The following NAALADL2 variants were observed in gnomAD, a reference collection of about 807,000 sequenced individuals.
NAALADL2 encodes N-acetylated alpha-linked acidic dipeptidase like 2.
Under a neutral mutation model 87.2 loss-of-function variants are expected in NAALADL2, and 76 were observed. That is an observed-to-expected ratio of 0.87 (90% CI 0.72 to 1.05). NAALADL2 has a LOEUF of 1.05. NAALADL2 is among the 50% of genes least tolerant of loss of function. The probability of loss-of-function intolerance (pLI) is 0.00; values close to 1 mark genes in which losing one functional copy is unlikely to be tolerated. For missense variants in NAALADL2, 1,089 were observed against 945.8 expected (o/e 1.15, Z -1.99); for synonymous variants, 354 against 331.0 (o/e 1.07, Z -0.75).
At chr3:174,911,090 C>T (rs887631254) in intron 1 of NAALADL2, among the ~76,000 whole-genome samples, 3 of 152,070 alleles carry the variant, frequency 2.0e-5, no homozygotes, top group African/African-American at 7.3e-5. Context: ...GAATTGCCAT[C>T]CCCCAAAAGT....
At chr3:175,647,839 G>A (rs1358765951) in intron 11 of NAALADL2, among the ~76,000 whole-genome samples, 2 of 152,156 alleles carry the variant, frequency 1.3e-5, no homozygotes, top group Non-Finnish European at 2.9e-5. Context: ...CAAAAAGAAA[G>A]TCTCTAGCCA....
chr3:175,418,027 A>G (rs183972107), intron 5 of NAALADL2, among the ~76,000 whole-genome samples: 3 of 152,210 alleles, frequency 2.0e-5, no homozygotes, highest in African/African-American at 7.2e-5. Context: ...GTAGGAGATG[A>G]GGAGAGATAG....
At chr3:174,882,798 CGTGTGTATATGTGCATAT>C (rs1560319665) in intron 1 of NAALADL2, among the ~76,000 whole-genome samples, 46 of 102,190 alleles carry the variant, frequency 4.5e-4, no homozygotes, top group African/African-American at 1.9e-3. Context: ...TATATATACA[CGTGTGTATATGTGCATAT>C]GTGTATATAT....
intron 4 of NAALADL2, among the ~76,000 whole-genome samples, chr3:175,269,581 G>A (rs1470689843): frequency 1.3e-5 from 2 of 152,158 alleles, no homozygotes; most frequent in Admixed American, 6.5e-5. Flanking sequence ...TCTGTATGAC[G>A]CTAGTTTACT....
rs74467892 is a variant in NAALADL2 at position 175,126,231 on chromosome 3, G to A, written c.545+28940G>A. On this transcript the variant is annotated intron_variant, in intron 2 of 13. Transcript: ENST00000454872. ...AGAAAAGAGGAATTGGAGATAGGAA[G>A]AACAGATAAAAGAGGCGATTGACTT... Among the ~76,000 whole-genome samples, 159 of 152,154 alleles carry A rather than the reference G, an allele frequency of 1.0e-3. 3 individuals carry two copies. The East Asian group carries it at 0.029, about 28-fold the overall frequency.
intron 5 of NAALADL2, among the ~76,000 whole-genome samples, chr3:175,332,836 A>G (rs1005449194): frequency 4.6e-5 from 7 of 152,154 alleles, no homozygotes; most frequent in Non-Finnish European, 8.8e-5. Context: ...GAAGTCCCCA[A>G]CTATTATTGT....
intron 2 of NAALADL2, among the ~76,000 whole-genome samples, chr3:174,703,924 CTG>C (rs1159161412): frequency 6.6e-6 from 1 of 152,126 alleles, no homozygotes; most frequent in Non-Finnish European, 1.5e-5. Flanking sequence ...TTTTTTCAGT[CTG>C]TGCATGCTCT....
intron 1 of NAALADL2, among the ~76,000 whole-genome samples, chr3:174,871,724 C>G (rs981343904): frequency 6.6e-6 from 1 of 152,094 alleles, no homozygotes; most frequent in East Asian, 1.9e-4. Context: ...CATGGCAAAA[C>G]CCTGTGTCTA....
intron 1 of NAALADL2, among the ~76,000 whole-genome samples, chr3:174,884,041 C>T (rs997719262): frequency 2.6e-5 from 4 of 152,018 alleles, no homozygotes; most frequent in African/African-American, 7.3e-5. Flanking sequence ...AGGAGGAGCC[C>T]GAAGAGTCCA....
At chr3:175,658,992 A>G (rs191533467) in intron 11 of NAALADL2, among the ~76,000 whole-genome samples, 3 of 152,254 alleles carry the variant, frequency 2.0e-5, no homozygotes, top group East Asian at 1.9e-4. Flanking sequence ...TGCTAAGGCT[A>G]AAGAGTGAAT....
chr3:174,765,708 A>G (rs1380341286), intron 3 of NAALADL2, among the ~76,000 whole-genome samples: 1 of 152,226 alleles, frequency 6.6e-6, no homozygotes, highest in Non-Finnish European at 1.5e-5. Flanking sequence ...TGCAGATAAT[A>G]CAGGTTTTTA....
intron 9 of NAALADL2, among the ~76,000 whole-genome samples, chr3:175,481,457 A>G (rs560920144): frequency 4.0e-5 from 6 of 151,836 alleles, no homozygotes; most frequent in South Asian, 2.1e-4. Context: ...CTCTAGGACC[A>G]CAGCACCATA....
intron 12 of NAALADL2, among the ~76,000 whole-genome samples, chr3:175,737,729 T>TTG (rs1272493409): frequency 2.1e-5 from 3 of 142,380 alleles, no homozygotes; most frequent in Non-Finnish European, 4.6e-5. Flanking sequence ...TTTTTTTTTT[T>TTG]TTTTTTTTTT....
At chr3:174,559,888 C>T (rs1713372115) in intron 2 of NAALADL2, among the ~76,000 whole-genome samples, 1 of 152,208 alleles carries the variant, frequency 6.6e-6, no homozygotes, top group African/African-American at 2.4e-5. Context: ...CAATCCATTG[C>T]ACTACCTTGT....
At chr3:175,334,669 C>G (rs1178883898) in intron 5 of NAALADL2, among the ~76,000 whole-genome samples, 1 of 152,102 alleles carries the variant, frequency 6.6e-6, no homozygotes, top group Non-Finnish European at 1.5e-5. Context: ...TTCTACAAAT[C>G]ACTCCACATC....
intron 2 of NAALADL2, among the ~76,000 whole-genome samples, chr3:175,199,496 T>A (rs13317652): frequency 6.6e-6 from 1 of 152,044 alleles, no homozygotes; most frequent in Middle Eastern, 3.4e-3. Flanking sequence ...ATCCAAGGGA[T>A]GAGACTGTGT....
At chr3:175,507,921 G>A (rs1483641005) in intron 9 of NAALADL2, among the ~76,000 whole-genome samples, 2 of 152,100 alleles carry the variant, frequency 1.3e-5, no homozygotes, top group South Asian at 2.1e-4. Flanking sequence ...CCTGAGACTG[G>A]GTGGTTCCTA....
intron 9 of NAALADL2, among the ~76,000 whole-genome samples, chr3:175,517,704 A>C (rs1356637493): frequency 6.6e-6 from 1 of 152,150 alleles, no homozygotes; most frequent in Non-Finnish European, 1.5e-5. Context: ...GGGCATGGAC[A>C]CACACAAGGA....
intron 2 of NAALADL2, among the ~76,000 whole-genome samples, chr3:175,169,847 T>C (rs1734542106): frequency 6.6e-6 from 1 of 151,858 alleles, no homozygotes; most frequent in African/African-American, 2.4e-5. Context: ...GTTAAGTTTC[T>C]GATATAGCTT....
Sources: gnomAD v4.1 joint callset for allele counts (sites outside exome capture counted in the v4.1 genomes callset) on GRCh38, gnomAD v4.1.1 for gene constraint, MANE v1.5 for transcripts, NCBI Gene and HGNC (gene_info 2026-07-23, HGNC 2026-07-21) for gene names.